Variants in NAV2 observed in about 807,000 individuals in gnomAD.
The protein encoded by NAV2 is helicase, APC down-regulated 1.
NAV2 carries 54 observed loss-of-function variants against 223.2 expected under a neutral mutation model. The observed-to-expected ratio is 0.24, with a 90% confidence interval of 0.19 to 0.30. The LOEUF (loss-of-function observed/expected upper bound fraction) is 0.30. NAV2 is among the 10% of genes least tolerant of loss of function. NAV2 has a pLI of 1.00. For missense variants in NAV2, 2,806 were observed against 3,147.5 expected, an observed-to-expected ratio of 0.89 and a Z score of 2.60; for synonymous variants, 1,279 against 1,239.3, an observed-to-expected ratio of 1.03 and a Z score of -0.67.
At chr11:19,487,873 A>G (rs2042498733) in intron 1 of NAV2, among the ~76,000 whole-genome samples, 1 of 152,034 alleles carries the variant, frequency 6.6e-6, no homozygotes, top group African/African-American at 2.4e-5. Flanking sequence ...TACAAAGTAG[A>G]GGACCCAGTT....
intron 1 of NAV2, among the ~76,000 whole-genome samples, chr11:19,613,158 G>C (rs562591298): frequency 6.6e-6 from 1 of 152,130 alleles, no homozygotes; most frequent in East Asian, 1.9e-4. Flanking sequence ...CCCCGCCCCC[G>C]CCGTGGGTCT....
At chr11:19,902,274 A>T (rs1450990186) in intron 6 of NAV2, among the ~76,000 whole-genome samples, 1 of 152,172 alleles carries the variant, frequency 6.6e-6, no homozygotes, top group Non-Finnish European at 1.5e-5. Flanking sequence ...TCTACTGTGT[A>T]ATTTAAAAGA....
chr11:19,376,223 T>C (rs2133891811), intron 1 of NAV2, among the ~76,000 whole-genome samples: 1 of 152,304 alleles, frequency 6.6e-6, no homozygotes, highest in Admixed American at 6.5e-5. Flanking sequence ...GCATTTCTGG[T>C]TATATAATCT....
intron 1 of NAV2, among the ~76,000 whole-genome samples, chr11:19,617,642 G>T (rs2046839192): frequency 6.6e-6 from 1 of 152,224 alleles, no homozygotes; most frequent in East Asian, 1.9e-4. Flanking sequence ...AAAGTGTGAG[G>T]GTACCACTTA....
upstream of NAV2, among the ~76,000 whole-genome samples, chr11:19,349,517 G>A (rs1023468706): frequency 2.0e-5 from 3 of 152,184 alleles, no homozygotes; most frequent in Non-Finnish European, 4.4e-5. Flanking sequence ...TACCCGCTGC[G>A]GCCGGATCTG....
intron 1 of NAV2, among the ~76,000 whole-genome samples, chr11:19,409,675 C>T (rs545922063): frequency 6.6e-6 from 1 of 152,302 alleles, no homozygotes; most frequent in East Asian, 1.9e-4. Flanking sequence ...AGGCACCATG[C>T]CCCAGGATTC....
At chr11:20,087,842 A>T (rs973683883) in intron 26 of NAV2, among the ~76,000 whole-genome samples, 7 of 152,126 alleles carry the variant, frequency 4.6e-5, no homozygotes, top group Non-Finnish European at 8.8e-5. Context: ...TCCCCATTTT[A>T]AAACTGGAGA....
intron 13 of NAV2, among the ~76,000 whole-genome samples, chr11:20,044,677 G>C (rs1452581921): frequency 6.6e-6 from 1 of 152,188 alleles, no homozygotes; most frequent in African/African-American, 2.4e-5. Flanking sequence ...GACAGAGGGT[G>C]AAAGATCAGG....
At chr11:19,658,121 A>T (rs2048179121) in intron 1 of NAV2, among the ~76,000 whole-genome samples, 1 of 152,176 alleles carries the variant, frequency 6.6e-6, no homozygotes, top group Non-Finnish European at 1.5e-5. Flanking sequence ...TACATTTATA[A>T]ACTTACTTAA....
chr11:19,925,088 C>G (rs1224854282), intron 6 of NAV2, among the ~76,000 whole-genome samples: 1 of 152,104 alleles, frequency 6.6e-6, no homozygotes, highest in Non-Finnish European at 1.5e-5. Flanking sequence ...TGCATATCTT[C>G]TTTTGAGAAT....
chr11:19,363,978 C>A (rs1217202252), intron 1 of NAV2, among the ~76,000 whole-genome samples: 1 of 152,210 alleles, frequency 6.6e-6, no homozygotes, highest in Admixed American at 6.5e-5. Context: ...AACCTGGAAG[C>A]TCTCTGAATC....
intron 11 of NAV2, among the ~76,000 whole-genome samples, chr11:20,016,664 G>T (rs1403824874): frequency 1.3e-5 from 2 of 152,138 alleles, no homozygotes; most frequent in South Asian, 2.1e-4. Flanking sequence ...GTGAGGTCCT[G>T]CTTCCCTGGA....
chr11:20,056,567 C>T (rs1375688055), intron 19 of NAV2: 1 of 1,613,896 alleles, frequency 6.2e-7, no homozygotes, highest in Non-Finnish European at 8.5e-7. Flanking sequence ...ACTTTGTCAG[C>T]CGTCTTCACA....
chr11:19,991,246 C>T (rs894987472), intron 11 of NAV2, among the ~76,000 whole-genome samples: 8 of 152,226 alleles, frequency 5.3e-5, no homozygotes, highest in African/African-American at 1.9e-4. Context: ...CTGTCTCAGC[C>T]TCCCAAGTAG....
chr11:19,973,233 G>C (rs1023057459), intron 10 of NAV2, among the ~76,000 whole-genome samples: 4 of 152,140 alleles, frequency 2.6e-5, no homozygotes, highest in African/African-American at 4.8e-5. Context: ...GAACCCAGAA[G>C]GGAAACAGAC....
At chr11:19,975,599 G>A (rs2049648192) in intron 10 of NAV2, among the ~76,000 whole-genome samples, 1 of 152,190 alleles carries the variant, frequency 6.6e-6, no homozygotes, top group African/African-American at 2.4e-5. Context: ...TTCTCCACGT[G>A]ATCAATCTCT....
chr11:19,754,600 C>T (rs1177655745), intron 1 of NAV2, among the ~76,000 whole-genome samples: 2 of 152,232 alleles, frequency 1.3e-5, no homozygotes, highest in East Asian at 3.8e-4. Context: ...CCAGATGTCA[C>T]TCAGGTCCCT....
chr11:20,097,805 T>TTGGC, intron 31 of NAV2, 60 bp downstream of exon 31: 1 of 1,459,382 alleles, frequency 6.9e-7, no homozygotes, highest in Non-Finnish European at 9.2e-7. Context: ...GTTTTGTGAC[T>TTGGC]TGGCATAGGC....
At chr11:20,103,575 G>A in intron 33 of NAV2, 78 bp from the exon 34 acceptor site, 1 of 1,538,212 alleles carries the variant, frequency 6.5e-7, no homozygotes, top group Non-Finnish European at 9.0e-7. Flanking sequence ...GAAGCACAGG[G>A]CCATGGGCCT....
Sources: gnomAD v4.1 joint callset for allele counts (sites outside exome capture counted in the v4.1 genomes callset) on GRCh38, gnomAD v4.1.1 for gene constraint, MANE v1.5 for transcripts, NCBI Gene and HGNC (gene_info 2026-07-23, HGNC 2026-07-21) for gene names.